COBL: variants seen among roughly 807,000 people sequenced by gnomAD.
COBL encodes protein cordon-bleu.
COBL carries 51 observed loss-of-function variants against 98.8 expected under a neutral mutation model. The ratio of observed to expected loss-of-function variants is 0.52; its 90% confidence interval spans 0.41 to 0.65. COBL has a LOEUF of 0.65. COBL is among the 30% of genes least tolerant of loss of function. The pLI is 0.00. For missense variants in COBL, 1,617 were observed against 1,617.5 expected, an observed-to-expected ratio of 1.00 and a Z score of 0.01; for synonymous variants, 634 against 651.7, an observed-to-expected ratio of 0.97 and a Z score of 0.41.
intron 5 of COBL, among the ~76,000 whole-genome samples, chr7:51,144,388 G>T (rs1441111906): frequency 6.6e-6 from 1 of 152,116 alleles, no homozygotes; most frequent in African/African-American, 2.4e-5. Flanking sequence ...GCTGGCTCTG[G>T]GGCAGAGGTT....
chr7:51,018,701 T>C (rs956835722), intron 12 of COBL, among the ~76,000 whole-genome samples: 8 of 151,312 alleles, frequency 5.3e-5, no homozygotes, highest in Non-Finnish European at 1.2e-4. Flanking sequence ...GAAACCAGCC[T>C]GACCAACATG....
chr7:51,111,201 C>G (rs1056502713), intron 6 of COBL, among the ~76,000 whole-genome samples: 1 of 152,160 alleles, frequency 6.6e-6, no homozygotes, highest in African/African-American at 2.4e-5. Flanking sequence ...GGATAAATAC[C>G]TAGTGGTGGG....
intron 7 of COBL, among the ~76,000 whole-genome samples, chr7:51,063,597 G>C (rs1791602503): frequency 1.3e-5 from 2 of 152,226 alleles, no homozygotes; most frequent in Non-Finnish European, 2.9e-5. Context: ...TAGGAGGCAG[G>C]CTGAGGGCCA....
intron 1 of COBL, among the ~76,000 whole-genome samples, chr7:51,248,022 C>T (rs545193302): frequency 8.6e-5 from 13 of 152,040 alleles, no homozygotes; most frequent in African/African-American, 2.9e-4. Flanking sequence ...GCCTATAATC[C>T]CACCTACTCG....
intron 1 of COBL, among the ~76,000 whole-genome samples, chr7:51,275,771 C>A (rs1259824980): frequency 6.6e-6 from 1 of 152,198 alleles, no homozygotes; most frequent in Non-Finnish European, 1.5e-5. Flanking sequence ...AGAAGGCTGG[C>A]GATTCCACCT....
chr7:51,198,768 A>G (rs1790826581), intron 2 of COBL, among the ~76,000 whole-genome samples: 1 of 152,224 alleles, frequency 6.6e-6, no homozygotes. Context: ...CATCAGTAAG[A>G]CAGTAGAACA....
chr7:51,267,727 C>T (rs541322911), intron 1 of COBL, among the ~76,000 whole-genome samples: 3 of 152,154 alleles, frequency 2.0e-5, no homozygotes, highest in Non-Finnish European at 4.4e-5. Flanking sequence ...GCACCTGCCA[C>T]CATGCCCAGC....
At chr7:51,082,330 C>T (rs773959770) in intron 7 of COBL, among the ~76,000 whole-genome samples, 10 of 152,140 alleles carry the variant, frequency 6.6e-5, no homozygotes, top group African/African-American at 1.7e-4. Context: ...CATACTGAAG[C>T]GGTCCAAGCG....
intron 6 of COBL, among the ~76,000 whole-genome samples, chr7:51,105,001 C>T (rs536684518): frequency 6.6e-6 from 1 of 151,940 alleles, no homozygotes; most frequent in Admixed American, 6.5e-5. Context: ...ATTGGGAAAT[C>T]GAAACTTAAG....
intron 6 of COBL, among the ~76,000 whole-genome samples, chr7:51,112,849 C>T (rs745350199): frequency 1.3e-5 from 2 of 152,292 alleles, no homozygotes; most frequent in Admixed American, 6.5e-5. Flanking sequence ...AATAATTGTG[C>T]TCTTGATGCC....
At position 51,288,422 on chromosome 7, in the gene COBL, C is replaced by CAA. The variant is rs71021764; in HGVS notation, c.41+28169_41+28170dup. Among the ~76,000 whole-genome samples the CAA allele has an allele frequency of 1.9e-3, 197 of 102,680 alleles. 1 individual carries two copies. Among genetic ancestry groups the CAA allele is most frequent in the African/African-American group, 2.9e-3 (78 of 26,726 alleles). The allele number at this position is 102,680 out of a possible 152,430, so 67.4% of individuals were successfully genotyped here. ...GCACTCCAGCCTGGGCAACAGTCTC[C>CAA]AAAAAAAAAAAAAAAGAAAGAAAGA... On this transcript the variant is annotated intron_variant, in intron 1 of 12. Transcript: ENST00000265136.
chr7:51,029,522 C>T lies in COBL; in HGVS notation c.1574G>A (p.Cys525Tyr). ...GTGAGGGATCATGGCATCCTGTGGG[C>T]AGTGGTTGGATGCACCATGGATGGA... ...TSSIHGASNH[C>Y]PQDAMIPHGD... is the part of the protein sequence containing the mutation. The change falls in exon 10 of 13, where the codon TGC becomes TAC. Residue 525 changes from cysteine (C) to tyrosine (Y), a missense_variant. This residue lies in a region of COBL where 1,304 missense variants were observed against 1,282.0 expected (regional missense o/e 1.02). Coordinates refer to ENST00000265136, the MANE Select transcript of COBL (RefSeq NM_015198.5). The T allele has an allele frequency of 6.2e-7, 1 of 1,613,862 alleles. No individual in the cohort carries two copies. The highest frequency in any genetic ancestry group is 1.7e-5 in the Admixed American group (1 of 60,010).
chr7:51,222,097 G>A (rs185977942), intron 1 of COBL, among the ~76,000 whole-genome samples: 52 of 152,312 alleles, frequency 3.4e-4, no homozygotes, highest in African/African-American at 1.2e-3. Flanking sequence ...CCTCAGGCAG[G>A]AGAATCACTT....
chr7:51,122,552 G>A (rs945763543), intron 6 of COBL, among the ~76,000 whole-genome samples: 1 of 152,240 alleles, frequency 6.6e-6, no homozygotes, highest in African/African-American at 2.4e-5. Flanking sequence ...TCTCCACATT[G>A]TAGAATATAA....
In COBL at chr7:51,028,616, T is replaced by A. The variant is rs769314593; in HGVS notation, c.2480A>T (p.Asn827Ile). The change falls in exon 10 of 13, where the codon AAC becomes ATC. Residue 827 changes from asparagine (N) to isoleucine (I), a missense_variant. Physicochemically the swap from Asn to Ile is moderately radical, Grantham distance 149. Coordinates refer to ENST00000265136, the MANE Select transcript of COBL (RefSeq NM_015198.5). ...QQKSAHHEGR[N>I]PLGEGRNQPP... The stretch of plus-strand genomic sequence containing the variant: ...CTGGTTTCTCCCCTCCCCTAGGGGG[T>A]TCCGGCCCTCATGGTGGGCAGACTT... 14 of 1,613,692 alleles carry A rather than the reference T, an allele frequency of 8.7e-6. No homozygotes were observed. Among genetic ancestry groups the A allele is most frequent in the Non-Finnish European group, 1.2e-5 (14 of 1,179,790 alleles).
chr7:51,254,571 C>T (rs1360202561), intron 1 of COBL, among the ~76,000 whole-genome samples: 2 of 152,122 alleles, frequency 1.3e-5, no homozygotes, highest in Admixed American at 1.3e-4. Context: ...TCTTTCCATC[C>T]CCCATTTTTC....
At chr7:51,199,928 A>G (rs1399890695) in intron 2 of COBL, among the ~76,000 whole-genome samples, 1 of 152,208 alleles carries the variant, frequency 6.6e-6, no homozygotes, top group Non-Finnish European at 1.5e-5. Flanking sequence ...ATCTTCAAAT[A>G]TATTAAACAA....
chr7:51,294,208 T>C (rs1302140693), intron 1 of COBL, among the ~76,000 whole-genome samples: 1 of 151,290 alleles, frequency 6.6e-6, no homozygotes, highest in South Asian at 2.1e-4. Context: ...GGAGAATCAC[T>C]TGAACCTGGG....
chr7:51,103,959 G>A (rs940339807), intron 6 of COBL, among the ~76,000 whole-genome samples: 48 of 152,344 alleles, frequency 3.2e-4, no homozygotes, highest in African/African-American at 1.1e-3. Flanking sequence ...TGCAGCGCCT[G>A]CCTAACTTTG....
Sources: allele counts gnomAD v4.1 joint callset (sites outside exome capture counted in the v4.1 genomes callset), GRCh38; gene constraint gnomAD v4.1.1; regional missense constraint gnomAD v4.1.1; transcripts MANE v1.5; gene names NCBI Gene and HGNC (gene_info 2026-07-23, HGNC 2026-07-21).